FHDC1: variants seen among roughly 807,000 people sequenced by gnomAD.
The protein encoded by FHDC1 is FH2 domain-containing protein 1.
A neutral mutation model predicts 52.6 loss-of-function variants in FHDC1; 25 were observed. That is an observed-to-expected ratio of 0.48 (90% CI 0.35 to 0.66). The LOEUF (loss-of-function observed/expected upper bound fraction) is 0.66. Among genes scored for constraint, FHDC1 ranks in the 30% least tolerant of loss-of-function variants. The pLI is 0.01. For missense variants in FHDC1, 1,459 were observed against 1,452.8 expected (o/e 1.00, Z -0.07); for synonymous variants, 616 against 581.5 (o/e 1.06, Z -0.85).
intron 1 of FHDC1, among the ~76,000 whole-genome samples, chr4:152,937,637 G>A (rs1739431422): frequency 6.6e-6 from 1 of 151,576 alleles, no homozygotes; most frequent in Admixed American, 6.6e-5. Context: ...CCGCCCCGCA[G>A]TCCCCGCCCC....
the FHDC1 span, among the ~76,000 whole-genome samples, chr4:152,929,212 G>A: frequency 6.6e-6 from 1 of 152,074 alleles, no homozygotes; most frequent in African/African-American, 2.4e-5. This position sits in a 1 kb window ranked among gnomAD's most constrained non-coding sequence, Gnocchi z 4.1. Context: ...AGAGAGAAAT[G>A]GTTGCATTGT....
At chr4:152,940,605 C>T (rs896718960) in intron 1 of FHDC1, among the ~76,000 whole-genome samples, 2 of 152,124 alleles carry the variant, frequency 1.3e-5, no homozygotes, top group African/African-American at 2.4e-5. Context: ...GGTTTAGTGG[C>T]GCATCTGTCC....
At chr4:152,926,267 GACACACACACACACACAC>G in the FHDC1 span, among the ~76,000 whole-genome samples, 4 of 144,440 alleles carry the variant, frequency 2.8e-5, no homozygotes, top group East Asian at 6.1e-4. Context: ...TTAAAATACA[GACACACACACACACACAC>G]ACACACACAC....
At position 152,976,635 on chromosome 4, in the gene FHDC1, C is replaced by A. The variant is rs780955749; in HGVS notation, c.3344C>A (p.Ala1115Asp). 1 of 1,603,458 alleles carries A rather than the reference C, an allele frequency of 6.2e-7. No individual in the cohort carries two copies. Among genetic ancestry groups the A allele is most frequent in the African/African-American group, 1.3e-5 (1 of 74,774 alleles). The part of the protein sequence containing the change: ...PSANTEAPLK[A>D]RGAGERASLR... Reference sequence around the variant, plus strand: ...GCCAACACGGAGGCCCCTCTGAAGGCCAGAGGGGCTGGGGAAAGGGCCTCC... The same window carrying A: ...GCCAACACGGAGGCCCCTCTGAAGGACAGAGGGGCTGGGGAAAGGGCCTCC... Residue 1115 changes from alanine to aspartate, a missense_variant, in exon 12 of 12, where the codon GCC becomes GAC. Coordinates refer to ENST00000511601, the MANE Select transcript of FHDC1 (RefSeq NM_001371116.1).
chr4:152,967,926 C>T (rs986842165), intron 9 of FHDC1, 54 bp from the exon 10 acceptor site: 1 of 1,334,294 alleles, frequency 7.5e-7, no homozygotes, highest in South Asian at 1.2e-5. Flanking sequence ...AATATACCTA[C>T]ATGACACATG....
chr4:152,972,401 C>A lies in FHDC1; in HGVS notation c.1243C>A (p.Leu415Met). The A allele has an allele frequency of 6.2e-7, 1 of 1,602,692 alleles. No individual in the cohort carries two copies. Among genetic ancestry groups the A allele is most frequent in the South Asian group, 1.1e-5 (1 of 88,194 alleles). ...GTTTGCCATAGAAAAGCTGAGGGAA[C>A]TGGAATGCTGGAAACAAGAGCTCCA... ...LQFAIEKLRE[L>M]ECWKQELQDE... Residue 415 changes from leucine (L) to methionine (M), a missense_variant, in exon 11 of 12, where the codon CTG becomes ATG. By Grantham distance (15) the Leu-to-Met change is conservative. This residue lies in a region of FHDC1 where 513 missense variants were observed against 581.5 expected (regional missense o/e 0.88). Coordinates refer to ENST00000511601, the MANE Select transcript of FHDC1 (RefSeq NM_001371116.1).
At chr4:152,916,694 A>G in the FHDC1 span, among the ~76,000 whole-genome samples, 1 of 152,042 alleles carries the variant, frequency 6.6e-6, no homozygotes, top group Admixed American at 6.5e-5. Flanking sequence ...CACTTGCTCT[A>G]CTCCTACAGA....
At chr4:152,953,889 G>A (rs1740001493) in intron 3 of FHDC1, among the ~76,000 whole-genome samples, 1 of 152,252 alleles carries the variant, frequency 6.6e-6, no homozygotes, top group African/African-American at 2.4e-5. Context: ...GTGTTCTGAA[G>A]TATAAGGAGA....
chr4:152,914,389 A>C, the FHDC1 span, among the ~76,000 whole-genome samples: 1 of 151,526 alleles, frequency 6.6e-6, no homozygotes, highest in South Asian at 2.1e-4. Context: ...TAGTTTATGT[A>C]TGTTAAGTGA....
intron 9 of FHDC1, among the ~76,000 whole-genome samples, chr4:152,966,511 G>A (rs950687820): frequency 6.6e-6 from 1 of 152,092 alleles, no homozygotes; most frequent in Non-Finnish European, 1.5e-5. Context: ...CCAGGCTGGA[G>A]TTCAGTGGTG....
intron 1 of FHDC1, among the ~76,000 whole-genome samples, chr4:152,941,696 A>G (rs1739575570): frequency 1.3e-5 from 2 of 152,174 alleles, no homozygotes; most frequent in South Asian, 4.1e-4. Context: ...TCATTTTGTA[A>G]TATTTGAATT....
chr4:152,972,501 T>C lies in FHDC1; in HGVS notation c.1343T>C (p.Ile448Thr), dbSNP rs1431419800. Residue 448 changes from isoleucine to threonine, a missense_variant, in exon 11 of 12, where the codon ATA becomes ACA. By Grantham distance (89) the Ile-to-Thr change is moderately conservative. Transcript: ENST00000511601. ...ATGAAACTGGATGAATGCTTTCAGATATTTAGAGATTTCTGTACCAAATTC... is the reference window on the plus strand; with the variant it reads ...ATGAAACTGGATGAATGCTTTCAGACATTTAGAGATTTCTGTACCAAATTC... Reference protein sequence around the residue: ...KTMKLDECFQIFRDFCTKFNK... With the variant: ...KTMKLDECFQTFRDFCTKFNK... 4.3e-6 allele frequency: 7 copies of C among 1,612,246 alleles called. No homozygotes were observed. In the East Asian group the frequency reaches 1.6e-4, roughly 36 times the overall value.
At position 152,978,445 on chromosome 4, in the gene FHDC1, T is replaced by G; in HGVS notation, c.*1722T>G. 6.6e-6 allele frequency: 1 copy of G among 152,170 alleles called. No homozygotes were observed. Among genetic ancestry groups the G allele is most frequent in the South Asian group, 2.1e-4 (1 of 4,826 alleles). The allele number at this position is 152,170 out of a possible 1,614,324, so 9.4% of individuals were successfully genotyped here. On this transcript the variant is annotated 3_prime_UTR_variant, in exon 12 of 12. Coordinates refer to ENST00000511601, the MANE Select transcript of FHDC1 (RefSeq NM_001371116.1). Reference sequence around the variant, plus strand: ...TACTGAGAAGAACCAAGTCAGGTTTTTTAAAGCAGACTAAAAGCATGAAAT... The same window carrying G: ...TACTGAGAAGAACCAAGTCAGGTTTGTTAAAGCAGACTAAAAGCATGAAAT...
At chr4:152,940,572 G>A (rs1739548150) in intron 1 of FHDC1, among the ~76,000 whole-genome samples, 1 of 152,182 alleles carries the variant, frequency 6.6e-6, no homozygotes, top group African/African-American at 2.4e-5. Flanking sequence ...GTCTTTGTCA[G>A]TATCTCTGTA....
At chr4:152,973,372 G>A (rs992958630) in intron 11 of FHDC1, among the ~76,000 whole-genome samples, 6 of 152,164 alleles carry the variant, frequency 3.9e-5, no homozygotes, top group South Asian at 2.1e-4. Context: ...TTGTGTTCTC[G>A]ACCCCTCCTT....
upstream of FHDC1, among the ~76,000 whole-genome samples, chr4:152,933,130 G>T (rs1459025094): frequency 6.6e-6 from 1 of 152,202 alleles, no homozygotes; most frequent in African/African-American, 2.4e-5. Flanking sequence ...AAAAGTGAGA[G>T]CTGGTCACAC....
intron 1 of FHDC1, among the ~76,000 whole-genome samples, chr4:152,939,061 T>C (rs1739500650): frequency 6.6e-6 from 1 of 152,184 alleles, no homozygotes; most frequent in South Asian, 2.1e-4. Context: ...TTCAAGAGAC[T>C]AGAACGTCTT....
At chr4:152,932,865 A>G (rs1027537920), upstream of FHDC1, among the ~76,000 whole-genome samples, 3 of 152,212 alleles carry the variant, frequency 2.0e-5, no homozygotes, top group African/African-American at 7.2e-5. Flanking sequence ...GAAATACAAA[A>G]TACTTGATGT....
At chr4:152,969,086 TAAAAA>T (rs72178531) in intron 10 of FHDC1, among the ~76,000 whole-genome samples, 1 of 137,038 alleles carries the variant, frequency 7.3e-6, no homozygotes, top group African/African-American at 2.7e-5. Flanking sequence ...TCTTCCTTAT[TAAAAA>T]AAAAAAAAAA....
Sources: allele counts gnomAD v4.1 joint callset (sites outside exome capture counted in the v4.1 genomes callset), GRCh38; gene constraint gnomAD v4.1.1; regional missense constraint gnomAD v4.1.1; non-coding constraint Gnocchi (gnomAD v3.1); transcripts MANE v1.5; gene names NCBI Gene and HGNC (gene_info 2026-07-23, HGNC 2026-07-21).